NOP58: variants seen among roughly 807,000 people sequenced by gnomAD.
The protein encoded by NOP58 is nucleolar protein 58.
In NOP58, 44 loss-of-function variants were observed where a neutral mutation model predicts 71.2. The observed-to-expected ratio is 0.62, with a 90% CI of 0.49 to 0.79. The LOEUF (loss-of-function observed/expected upper bound fraction) is 0.79. NOP58 is among the 30% of genes least tolerant of loss of function. NOP58 has a pLI of 0.00. For synonymous variants in NOP58, 228 were observed against 200.3 expected (o/e 1.14, Z -1.17); for missense variants, 538 against 620.2 (o/e 0.87, Z 1.41).
intron 6 of NOP58, among the ~76,000 whole-genome samples, chr2:202,289,955 T>C (rs1156348919): frequency 6.6e-6 from 1 of 151,298 alleles, no homozygotes; most frequent in African/African-American, 2.4e-5. Context: ...TTTTTATTCT[T>C]TTTTTTTTAA....
At chr2:202,290,033 C>T (rs1688859497) in intron 6 of NOP58, among the ~76,000 whole-genome samples, 1 of 152,106 alleles carries the variant, frequency 6.6e-6, no homozygotes, top group Admixed American at 6.6e-5. Context: ...CGGCTCACTA[C>T]AACCTCCACC....
intron 3 of NOP58, 27 bp downstream of exon 3, chr2:202,278,029 T>G (rs774471159): frequency 6.9e-7 from 1 of 1,441,168 alleles, no homozygotes; most frequent in Non-Finnish European, 9.7e-7. Context: ...GAAGCTTGCT[T>G]TTTTGAAAAA....
At chr2:202,277,852 C>CTTTGGA in intron 2 of NOP58, 98 bp from the exon 3 acceptor site, 1 of 701,418 alleles carries the variant, frequency 1.4e-6, no homozygotes, top group African/African-American at 1.8e-5. Flanking sequence ...TTGGTGTGTG[C>CTTTGGA]TTTGGAAACA....
Position 202,295,804 on chromosome 2 carries a change from C to G in NOP58, c.1038C>G (p.Leu346=). The G allele has an allele frequency of 3.1e-6, 5 of 1,600,380 alleles. No homozygotes were observed. Among genetic ancestry groups the G allele is most frequent in the Non-Finnish European group, 4.3e-6 (5 of 1,174,228 alleles). The change falls in exon 10 of 15, where the codon CTC becomes CTG. Residue 346 remains leucine (L), a synonymous_variant. Coordinates refer to ENST00000264279, the MANE Select transcript of NOP58 (RefSeq NM_015934.5). ...ATGGTCTCATTTATCATGCTTCACT[C>G]GTGGGCCAGACAAGTCCCAAACACA... is the stretch of plus-strand genomic sequence containing the variant. ...PKYGLIYHAS[L]VGQTSPKHKG... is the part of the protein sequence containing the mutation.
intron 13 of NOP58, 25 bp from the exon 14 acceptor site, chr2:202,302,896 G>T: frequency 6.3e-7 from 1 of 1,587,798 alleles, no homozygotes; most frequent in Admixed American, 1.8e-5. Flanking sequence ...TTAATTTGTT[G>T]TGCCTTTACA....
At chr2:202,297,934 G>C in intron 12 of NOP58, 28 bp downstream of exon 12, 1 of 1,368,308 alleles carries the variant, frequency 7.3e-7, no homozygotes, top group African/African-American at 1.5e-5. Flanking sequence ...AGGATGGGGT[G>C]AATAGTTTTT....
intron 10 of NOP58, 21 bp downstream of exon 10, chr2:202,295,858 T>C: frequency 2.6e-6 from 4 of 1,511,120 alleles, no homozygotes; most frequent in Non-Finnish European, 3.5e-6. Flanking sequence ...GGGTTTTGCT[T>C]TGTTTTTGAG....
intron 1 of NOP58, among the ~76,000 whole-genome samples, chr2:202,271,153 C>T (rs999618200): frequency 6.6e-6 from 1 of 152,082 alleles, no homozygotes; most frequent in African/African-American, 2.4e-5. Flanking sequence ...GTATCAGCTG[C>T]CCAAGTATTA....
At chr2:202,294,108 A>T (rs1264522149) in intron 9 of NOP58, among the ~76,000 whole-genome samples, 12 of 151,374 alleles carry the variant, frequency 7.9e-5, no homozygotes, top group Non-Finnish European at 1.3e-4. Context: ...TGAGGTCAGG[A>T]GTTCGAGACC....
intron 2 of NOP58, 89 bp from the exon 3 acceptor site, chr2:202,277,861 C>CA (rs1230993339): frequency 1.4e-6 from 1 of 719,150 alleles, no homozygotes; most frequent in African/African-American, 1.8e-5. Context: ...GCTTTGGAAA[C>CA]AGTCAAGCAC....
intron 2 of NOP58, among the ~76,000 whole-genome samples, chr2:202,276,929 G>A (rs957973401): frequency 1.3e-5 from 2 of 152,002 alleles, no homozygotes; most frequent in African/African-American, 4.8e-5. Context: ...ACAAGGTCAG[G>A]AGTTTGAGAC....
At chr2:202,266,071 A>T in intron 1 of NOP58, 85 bp downstream of exon 1, 1 of 1,488,842 alleles carries the variant, frequency 6.7e-7, no homozygotes, top group Non-Finnish European at 9.4e-7. Context: ...GGAACTACTC[A>T]GAGTAGCGTG....
chr2:202,267,572 T>C (rs1348655549), intron 1 of NOP58, among the ~76,000 whole-genome samples: 1 of 152,202 alleles, frequency 6.6e-6, no homozygotes, highest in Non-Finnish European at 1.5e-5. Context: ...TTTGGAATCT[T>C]ATCTAAATTA....
Position 202,303,639 on chromosome 2 carries a change from A to G in NOP58, c.*203A>G. On this transcript the variant is annotated 3_prime_UTR_variant, in exon 15 of 15. Transcript: ENST00000264279. ...ATTTCTTAGAGTCTTTGATATACAA[A>G]TAAAATTTTCTTTGTATTTTAAGAC... 3 of 494,850 alleles carry G rather than the reference A, an allele frequency of 6.1e-6. No homozygotes were observed. Among genetic ancestry groups the G allele is most frequent in the Non-Finnish European group, 9.7e-6 (3 of 309,162 alleles). The allele number at this position is 494,850 out of a possible 1,614,324, so 30.7% of individuals were successfully genotyped here. A position where few individuals can be genotyped will look rare whatever the true frequency, so the allele number is the denominator to read the frequency against.
chr2:202,267,791 T>C (rs934345799), intron 1 of NOP58, among the ~76,000 whole-genome samples: 3 of 152,234 alleles, frequency 2.0e-5, no homozygotes, highest in Non-Finnish European at 2.9e-5. Flanking sequence ...CCTAAAATAC[T>C]CAACCGTGTC....
chr2:202,274,874 A>G (rs188856922), intron 1 of NOP58, among the ~76,000 whole-genome samples: 19 of 152,296 alleles, frequency 1.2e-4, no homozygotes, highest in African/African-American at 3.8e-4. Context: ...TCTAGACTGA[A>G]TAGCCACTGT....
chr2:202,295,349 CGTGT>C (rs1446101853), intron 9 of NOP58, among the ~76,000 whole-genome samples: 1 of 152,004 alleles, frequency 6.6e-6, no homozygotes, highest in Admixed American at 6.6e-5. Context: ...GATTAGTGTT[CGTGT>C]GTGTGACATT....
intron 4 of NOP58, 146 bp from the exon 5 acceptor site, chr2:202,284,199 G>A (rs1027216021): frequency 1.5e-5 from 9 of 581,696 alleles, no homozygotes; most frequent in Non-Finnish European, 2.4e-5. Context: ...CTTGAACCCA[G>A]GAGGCGGAGG....
chr2:202,276,446 G>T (rs761468344), intron 2 of NOP58: 2 of 513,316 alleles, frequency 3.9e-6, no homozygotes, highest in Admixed American at 3.9e-5. Context: ...TGTTGTCAAT[G>T]ATGTATTCTT....
Sources: gnomAD v4.1 joint callset for allele counts (sites outside exome capture counted in the v4.1 genomes callset) on GRCh38, gnomAD v4.1.1 for gene constraint, MANE v1.5 for transcripts, NCBI Gene and HGNC (gene_info 2026-07-23, HGNC 2026-07-21) for gene names.